RANBP2: variants seen among roughly 807,000 people sequenced by gnomAD.
The protein encoded by RANBP2 is E3 SUMO-protein ligase RanBP2.
RANBP2 carries 57 observed loss-of-function variants against 303.6 expected under a neutral mutation model. The observed-to-expected ratio is 0.19, with a 90% CI of 0.15 to 0.23. The LOEUF is 0.23. RANBP2 is among the 10% of genes least tolerant of loss of function. The pLI, the probability that RANBP2 is intolerant of heterozygous loss-of-function variation, is 1.00. For missense variants in RANBP2, 3,138 were observed against 3,780.8 expected (o/e 0.83, Z 4.46); for synonymous variants, 1,167 against 1,301.5 (o/e 0.90, Z 2.23).
the RANBP2 span, among the ~76,000 whole-genome samples, chr2:109,258,226 G>T: frequency 1.3e-5 from 2 of 152,162 alleles, no homozygotes; most frequent in South Asian, 4.1e-4. Context: ...TTCCAGGAGT[G>T]GGGGACAGCC....
At chr2:109,413,419 G>C in the RANBP2 span, among the ~76,000 whole-genome samples, 3 of 152,154 alleles carry the variant, frequency 2.0e-5, no homozygotes, top group Non-Finnish European at 4.4e-5. Context: ...AGGCCTGTCT[G>C]GTTATTTTAG....
chr2:109,097,872 G>A, the RANBP2 span, among the ~76,000 whole-genome samples: 1 of 152,136 alleles, frequency 6.6e-6, no homozygotes, highest in South Asian at 2.1e-4. Flanking sequence ...GATCCTGCCT[G>A]CCTTGGTTCT....
chr2:109,419,478 T>C, the RANBP2 span: 1 of 1,516,526 alleles, frequency 6.6e-7, no homozygotes, highest in Non-Finnish European at 8.9e-7. Flanking sequence ...ATTTTGCTTT[T>C]CTCTTTCCCT....
chr2:108,971,184 A>G, the RANBP2 span, among the ~76,000 whole-genome samples: 4 of 152,272 alleles, frequency 2.6e-5, no homozygotes, highest in Non-Finnish European at 4.4e-5. Context: ...TCCGTCTCCA[A>G]CTGGATTCCT....
chr2:109,116,595 A>T, the RANBP2 span, among the ~76,000 whole-genome samples: 3 of 152,178 alleles, frequency 2.0e-5, no homozygotes, highest in Non-Finnish European at 4.4e-5. Flanking sequence ...TGTAGCTCAG[A>T]GTAGTTTGAT....
the RANBP2 span, among the ~76,000 whole-genome samples, chr2:109,661,185 T>G: frequency 6.6e-6 from 1 of 152,200 alleles, no homozygotes; most frequent in East Asian, 1.9e-4. Context: ...AGCTTCCTGT[T>G]TGCCCTGTCA....
chr2:109,682,930 C>T, the RANBP2 span, among the ~76,000 whole-genome samples: 1 of 152,308 alleles, frequency 6.6e-6, no homozygotes, highest in African/African-American at 2.4e-5. Context: ...CCACTGAATT[C>T]CCTTAAAAAT....
chr2:108,919,131 T>C, the RANBP2 span, among the ~76,000 whole-genome samples: 23 of 152,106 alleles, frequency 1.5e-4, no homozygotes, highest in Non-Finnish European at 2.8e-4. Context: ...CGCCGGTGTC[T>C]GGGAGGCTGG....
At chr2:109,766,340 T>G in the RANBP2 span, among the ~76,000 whole-genome samples, 5 of 120,566 alleles carry the variant, frequency 4.1e-5, no homozygotes, top group Middle Eastern at 3.7e-3. Context: ...GCTCAGCCCT[T>G]GTGTGGGGCG....
chr2:109,732,741 G>A, the RANBP2 span: 1 of 701,652 alleles, frequency 1.4e-6, no homozygotes, highest in Non-Finnish European at 2.7e-6. Context: ...GTTTATGCAG[G>A]CAATCTTGGA....
chr2:108,977,292 G>T, the RANBP2 span, among the ~76,000 whole-genome samples: 2 of 151,964 alleles, frequency 1.3e-5, no homozygotes, highest in African/African-American at 4.8e-5. Context: ...TTTTTGAGAT[G>T]GAGTCTCGCT....
At chr2:109,652,798 C>A in the RANBP2 span, among the ~76,000 whole-genome samples, 1 of 152,222 alleles carries the variant, frequency 6.6e-6, no homozygotes, top group Non-Finnish European at 1.5e-5. Context: ...TACGGATTTG[C>A]TCTGACTGGT....
rs772844279 is a variant in RANBP2, at chr2:108,777,215, T to G, written c.8583T>G (p.Phe2861Leu). 1 of 1,613,492 alleles carries G rather than the reference T, an allele frequency of 6.2e-7. No individual in the cohort carries two copies. The highest frequency in any genetic ancestry group is 8.5e-7 in the Non-Finnish European group (1 of 1,179,544). ...TGGCTTCCAGTAATTCTGGAGATTT[T>G]GCTTTTGGTTCTAAAGGTAAGATCA... ...ADLASSNSGD[F>L]AFGSKDKNFQ... is the part of the protein sequence containing the mutation. Residue 2861 changes from phenylalanine (F) to leucine (L), a missense_variant, in exon 25 of 29, where the codon TTT (phenylalanine) becomes TTG (leucine). By Grantham distance (22) the Phe-to-Leu change is conservative. Transcript: ENST00000283195.
At chr2:109,597,864 T>C in the RANBP2 span, among the ~76,000 whole-genome samples, 1 of 152,190 alleles carries the variant, frequency 6.6e-6, no homozygotes, top group Admixed American at 6.5e-5. Flanking sequence ...CAATTCATCC[T>C]AGGGCCCTTG....
At chr2:109,150,499 A>G in the RANBP2 span, among the ~76,000 whole-genome samples, 913 of 152,374 alleles carry the variant, frequency 6.0e-3, 8 homozygotes, top group African/African-American at 0.021. Flanking sequence ...GAGGAATTCA[A>G]CTTATTAATT....
At chr2:109,288,322 G>A in the RANBP2 span, among the ~76,000 whole-genome samples, 394 of 152,312 alleles carry the variant, frequency 2.6e-3, 1 homozygote, top group African/African-American at 8.9e-3. Flanking sequence ...CATGGAGTCC[G>A]GGGAGTTGCC....
chr2:109,251,706 A>T, the RANBP2 span: 1 of 868,484 alleles, frequency 1.2e-6, no homozygotes, highest in South Asian at 1.5e-5. Context: ...CTATTTTACT[A>T]TGATGTAAAA....
intron 1 of RANBP2, among the ~76,000 whole-genome samples, chr2:108,721,512 C>T (rs1247474310): frequency 6.6e-6 from 1 of 152,144 alleles, no homozygotes; most frequent in East Asian, 1.9e-4. Flanking sequence ...GCTATCTCGA[C>T]TCACTGCACC....
At chr2:108,846,145 C>A in the RANBP2 span, among the ~76,000 whole-genome samples, 6 of 152,100 alleles carry the variant, frequency 3.9e-5, no homozygotes, top group South Asian at 1.2e-3. Flanking sequence ...AGCTGGTTTT[C>A]ATTGATGGTG....
Sources: allele counts gnomAD v4.1 joint callset (sites outside exome capture counted in the v4.1 genomes callset), GRCh38; gene constraint gnomAD v4.1.1; transcripts MANE v1.5; gene names NCBI Gene and HGNC (gene_info 2026-07-23, HGNC 2026-07-21).